Variants in CDKL2 observed in about 807,000 individuals in gnomAD.
CDKL2 encodes cyclin-dependent kinase-like 2.
Under a neutral mutation model 63.9 loss-of-function variants are expected in CDKL2, and 64 were observed. That is an observed-to-expected ratio of 1.00 (90% confidence interval 0.82 to 1.23). The LOEUF is 1.23. Among genes scored for constraint, CDKL2 ranks in the 50% most tolerant of loss-of-function variants. The probability of loss-of-function intolerance (pLI) is 0.00; values close to 1 mark genes in which losing one functional copy is unlikely to be tolerated. For synonymous variants in CDKL2, 211 were observed against 229.2 expected (o/e 0.92, Z 0.72); for missense variants, 656 against 668.0 (o/e 0.98, Z 0.20).
intron 5 of CDKL2, among the ~76,000 whole-genome samples, 173 bp from the exon 6 acceptor site, chr4:75,604,129 TCTTAAGGAG>T (rs1729322511): frequency 6.6e-6 from 1 of 152,210 alleles, no homozygotes; most frequent in Non-Finnish European, 1.5e-5. Context: ...TATATGGCAG[TCTTAAGGAG>T]CATAGGAAAA....
Position 75,578,227 on chromosome 4 carries a change from C to G in CDKL2, c.*975G>C, listed in dbSNP as rs1370557413. The G allele has an allele frequency of 6.6e-6, 1 of 152,128 alleles. No homozygotes were observed. The highest frequency in any genetic ancestry group is 1.5e-5 in the Non-Finnish European group (1 of 68,034). The allele number at this position is 152,128 out of a possible 1,614,324, so 9.4% of individuals were successfully genotyped here. A position where few individuals can be genotyped will look rare whatever the true frequency, so the allele number is the denominator to read the frequency against. ...GAGACGGCCTGAGTGTTTGAGGCCA[C>G]AAGGAGACAGGAACTTCTCTGGATT... On this transcript the variant is annotated 3_prime_UTR_variant, in exon 14 of 14. Coordinates refer to ENST00000307465, the MANE Select transcript of CDKL2 (RefSeq NM_001330724.2).
chr4:75,622,246 C>T (rs1185220819), intron 2 of CDKL2, among the ~76,000 whole-genome samples: 1 of 152,028 alleles, frequency 6.6e-6, no homozygotes, highest in Non-Finnish European at 1.5e-5. Context: ...AGACCAAACA[C>T]TCCAAGTAAA....
chr4:75,625,880 C>G lies in CDKL2; in HGVS notation c.109G>C (p.Glu37Gln), dbSNP rs761717408. 3.1e-6 allele frequency: 5 copies of G among 1,613,332 alleles called. No homozygotes were observed. Among genetic ancestry groups the G allele is most frequent in the Admixed American group, 3.3e-5 (2 of 59,954 alleles). The change falls in exon 2 of 14, where the codon GAA becomes CAA. Residue 37 changes from glutamate (E) to glutamine (Q), a missense_variant. Glu to Gln is a conservative substitution (Grantham distance 29). Transcript: ENST00000307465. ...TTAACCATTTTGTCATCGTCACTTT[C>G]TAAGAACTTCTTTATGGCCACAATT... is the stretch of plus-strand genomic sequence containing the variant. ...GRIVAIKKFL[E>Q]SDDDKMVKKI...
At position 75,614,406 on chromosome 4, in the gene CDKL2, T is replaced by C. The variant is rs1176444106; in HGVS notation, c.212A>G (p.Lys71Arg). ...GACTAGGTACCATCGTTTTTTTTTC[T>C]TACACACTTCCAAGAGATTCACCAA... ...ENLVNLLEVC[K>R]KKKRWYLVFE... is the part of the protein sequence containing the mutation. The change falls in exon 3 of 14, where the codon AAG (lysine) becomes AGG (arginine). Residue 71 changes from lysine to arginine, a missense_variant. Coordinates refer to ENST00000307465, the MANE Select transcript of CDKL2 (RefSeq NM_001330724.2). 1.9e-6 allele frequency: 3 copies of C among 1,596,364 alleles called. No individual in the cohort carries two copies. The East Asian group carries it at 6.7e-5, about 36-fold the overall frequency.
chr4:75,611,458 CAAAA>C (rs71203834), intron 3 of CDKL2, among the ~76,000 whole-genome samples: 7 of 76,726 alleles, frequency 9.1e-5, no homozygotes, highest in Non-Finnish European at 1.2e-4. Flanking sequence ...GATTCTGTCT[CAAAA>C]AAAAAAAAAA....
intron 3 of CDKL2, among the ~76,000 whole-genome samples, chr4:75,609,469 A>G (rs1729583905): frequency 6.6e-6 from 1 of 151,640 alleles, no homozygotes; most frequent in African/African-American, 2.4e-5. Flanking sequence ...GCCAGGCACT[A>G]TGGCAGGCAC....
chr4:75,607,472 T>A (rs1358678812), intron 3 of CDKL2, 111 bp from the exon 4 acceptor site: 2 of 801,212 alleles, frequency 2.5e-6, no homozygotes, highest in African/African-American at 3.4e-5. Flanking sequence ...AACAAAAGCA[T>A]AGAAAGTTGC....
At chr4:75,595,389 A>AT in intron 10 of CDKL2, among the ~76,000 whole-genome samples, 1 of 151,820 alleles carries the variant, frequency 6.6e-6, no homozygotes, top group East Asian at 1.9e-4. Context: ...TTTTTAAAAA[A>AT]TTTTTTGTAG....
Position 75,592,202 on chromosome 4 carries a change from C to G in CDKL2, c.1484G>C (p.Arg495Pro). 1 of 1,535,228 alleles carries G rather than the reference C, an allele frequency of 6.5e-7. No individual in the cohort carries two copies. The highest frequency in any genetic ancestry group is 8.7e-7 in the Non-Finnish European group (1 of 1,146,438). The change falls in exon 11 of 14, where the codon CGT (arginine) becomes CCT (proline). Residue 495 changes from arginine (R) to proline (P), a missense_variant. Transcript: ENST00000307465. ...ATGATTATAGTTTAGTTCAGGCAAA[C>G]GGACATCTGTCCTGGAGTATTCTCT... The part of the protein sequence containing the change: ...KRREYSRTDV[R>P]LPELNYNHLP...
At chr4:75,619,013 T>C (rs1578350671) in intron 2 of CDKL2, among the ~76,000 whole-genome samples, 2 of 152,278 alleles carry the variant, frequency 1.3e-5, no homozygotes, top group South Asian at 2.1e-4. Context: ...AACCCTACCT[T>C]AGCCTCAAAA....
At chr4:75,579,445 G>A (rs1326710308) in intron 13 of CDKL2, among the ~76,000 whole-genome samples, 6 of 152,176 alleles carry the variant, frequency 3.9e-5, no homozygotes, top group Non-Finnish European at 8.8e-5. Flanking sequence ...AGGCCGAGGC[G>A]GGCAGATCAC....
intron 8 of CDKL2, 48 bp from the exon 9 acceptor site, chr4:75,597,284 G>T: frequency 8.2e-7 from 1 of 1,212,134 alleles, no homozygotes; most frequent in South Asian, 1.4e-5. Context: ...TGAAGAGAAT[G>T]AAAATTTACC....
At chr4:75,620,801 G>A (rs1357503457) in intron 2 of CDKL2, among the ~76,000 whole-genome samples, 2 of 152,182 alleles carry the variant, frequency 1.3e-5, no homozygotes, top group African/African-American at 4.8e-5. Context: ...GGAGTACAGT[G>A]CTGGTGAAAT....
At chr4:75,625,744 A>G in intron 2 of CDKL2, 77 bp downstream of exon 2, 1 of 1,006,186 alleles carries the variant, frequency 9.9e-7, no homozygotes, top group Non-Finnish European at 1.5e-6. Context: ...TTGCATATCT[A>G]ATCATTGTAT....
chr4:75,581,523 G>C (rs1004008358), intron 13 of CDKL2, among the ~76,000 whole-genome samples: 38 of 152,202 alleles, frequency 2.5e-4, no homozygotes, highest in African/African-American at 8.2e-4. Context: ...AGGGAGATAG[G>C]TATATATCTT....
chr4:75,614,416 C>A lies in CDKL2; in HGVS notation c.202G>T (p.Glu68Ter). ...CATCGTTTTTTTTTCTTACACACTTCCAAGAGATTCACCAAGTTTTCATGC... is the reference window on the plus strand; with the variant it reads ...CATCGTTTTTTTTTCTTACACACTTACAAGAGATTCACCAAGTTTTCATGC... ...LRHENLVNLL[E>*]VCKKKKRWYL... Residue 68 changes from glutamate (E) to a stop codon, truncating the protein, a stop_gained, in exon 3 of 14, where the codon GAA becomes TAA. Transcript: ENST00000307465. LOFTEE classifies it high-confidence loss of function. 1 of 1,569,338 alleles carries A rather than the reference C, an allele frequency of 6.4e-7. No homozygotes were observed. The highest frequency in any genetic ancestry group is 1.2e-5 in the South Asian group (1 of 83,126).
chr4:75,582,122 T>C (rs1051419640), intron 12 of CDKL2, among the ~76,000 whole-genome samples: 1 of 152,226 alleles, frequency 6.6e-6, no homozygotes, highest in Admixed American at 6.5e-5. Flanking sequence ...TCTTAGTTTA[T>C]GCATATGTTA....
intron 3 of CDKL2, among the ~76,000 whole-genome samples, chr4:75,608,865 G>A (rs148763933): frequency 1.8e-3 from 271 of 152,158 alleles, no homozygotes; most frequent in African/African-American, 5.6e-3. Context: ...GTGCTGGCAC[G>A]CGCTTGTAAT....
intron 2 of CDKL2, among the ~76,000 whole-genome samples, chr4:75,620,324 A>G (rs532125546): frequency 5.3e-5 from 8 of 152,324 alleles, no homozygotes; most frequent in African/African-American, 1.9e-4. Flanking sequence ...ATTGAAACAG[A>G]TACAGAATGA....
Sources: gnomAD v4.1 joint callset for allele counts (sites outside exome capture counted in the v4.1 genomes callset) on GRCh38, gnomAD v4.1.1 for gene constraint, MANE v1.5 for transcripts, NCBI Gene and HGNC (gene_info 2026-07-23, HGNC 2026-07-21) for gene names.